The following ABLIM2 variants were observed in gnomAD, a reference collection of about 807,000 sequenced individuals.
The protein encoded by ABLIM2 is actin-binding LIM protein 2.
A neutral mutation model predicts 97.7 loss-of-function variants in ABLIM2; 53 were observed. The ratio of observed to expected loss-of-function variants is 0.54; its 90% CI spans 0.44 to 0.68. The LOEUF (loss-of-function observed/expected upper bound fraction) is 0.68. Among genes scored for constraint, ABLIM2 ranks in the 30% least tolerant of loss-of-function variants. The pLI, the probability that ABLIM2 is intolerant of heterozygous loss-of-function variation, is 0.00. For missense variants in ABLIM2, 835 were observed against 867.2 expected (o/e 0.96, Z 0.47); for synonymous variants, 361 against 345.8 (o/e 1.04, Z -0.49).
chr4:8,039,399 G>A (rs1029619081), intron 9 of ABLIM2, among the ~76,000 whole-genome samples: 19 of 152,194 alleles, frequency 1.2e-4, no homozygotes, highest in Admixed American at 1.0e-3. Context: ...AGGGGTCAGA[G>A]AGGGCAGCCT....
intron 9 of ABLIM2, among the ~76,000 whole-genome samples, chr4:8,037,187 G>C (rs996502337): frequency 6.6e-6 from 1 of 151,852 alleles, no homozygotes; most frequent in East Asian, 1.9e-4. Flanking sequence ...TGTTTTTTAA[G>C]AATATTTTCA....
At chr4:8,007,055 T>C in intron 16 of ABLIM2, 1 of 985,384 alleles carries the variant, frequency 1.0e-6, no homozygotes, top group Non-Finnish European at 1.2e-6. Flanking sequence ...CTTTAACACA[T>C]CATCATTTCC....
At chr4:8,126,128 A>T (rs1847789803) in intron 1 of ABLIM2, among the ~76,000 whole-genome samples, 1 of 152,168 alleles carries the variant, frequency 6.6e-6, no homozygotes, top group South Asian at 2.1e-4. Context: ...CCCTTCAGTA[A>T]CATTCCACGG....
intron 1 of ABLIM2, 83 bp from the exon 2 acceptor site, chr4:8,106,720 C>T (rs1837609451): frequency 4.7e-6 from 7 of 1,484,012 alleles, no homozygotes; most frequent in Non-Finnish European, 6.3e-6. Flanking sequence ...TGAGGACGCA[C>T]AGCTGACCCT....
intron 20 of ABLIM2, among the ~76,000 whole-genome samples, chr4:7,967,916 C>T (rs542335338): frequency 2.0e-4 from 31 of 152,330 alleles, no homozygotes; most frequent in Admixed American, 5.2e-4. Context: ...CCTCAGCCAC[C>T]GCAAGCTCTG....
chr4:7,998,254 A>G lies in ABLIM2; in HGVS notation c.1619-5327T>C, dbSNP rs1405648778. ...TTGGTGTGACGGGTAATTTTTCTGCAGTATCCTGGGCATTTTGGATATTAT... is the reference window on the plus strand; with the variant it reads ...TTGGTGTGACGGGTAATTTTTCTGCGGTATCCTGGGCATTTTGGATATTAT... On this transcript the variant is annotated intron_variant, in intron 16 of 20. Coordinates refer to ENST00000447017, the MANE Select transcript of ABLIM2 (RefSeq NM_001130083.2). The surrounding 1 kb of genome is among the most constrained non-coding windows in gnomAD (Gnocchi z 6.4). Among the ~76,000 whole-genome samples, 1 of 152,070 alleles carries G rather than the reference A, an allele frequency of 6.6e-6. No homozygotes were observed. Among genetic ancestry groups the G allele is most frequent in the Non-Finnish European group, 1.5e-5 (1 of 68,012 alleles).
rs1712101010 is a variant in ABLIM2, at chr4:8,150,015, C to T, written c.10+8665G>A. On this transcript the variant is annotated intron_variant, in intron 1 of 20. Transcript: ENST00000447017. This position sits in a 1 kb window ranked among gnomAD's most constrained non-coding sequence, Gnocchi z 6.3. ...CCTCCCTCGTGCTTCCTGGGGTCAC[C>T]TCCTAGGTAAACCACCTGCACCCAA... Among the ~76,000 whole-genome samples, 1 of 152,110 alleles carries T rather than the reference C, an allele frequency of 6.6e-6. No individual in the cohort carries two copies. The highest frequency in any genetic ancestry group is 1.5e-5 in the Non-Finnish European group (1 of 67,998).
intron 17 of ABLIM2, among the ~76,000 whole-genome samples, chr4:7,990,920 C>T (rs1748197277): frequency 2.0e-5 from 3 of 152,194 alleles, no homozygotes; most frequent in Admixed American, 2.0e-4. Flanking sequence ...TAATATTCAC[C>T]AATCTCCCCC....
chr4:8,110,664 G>GGGGGGGGTC (rs1839886546), intron 1 of ABLIM2, among the ~76,000 whole-genome samples: 6 of 150,242 alleles, frequency 4.0e-5, no homozygotes, highest in Admixed American at 6.6e-5. Context: ...TGGCGGGGGT[G>GGGGGGGGTC]GGGTGTGGGG....
rs1197631116 is a variant in ABLIM2 at position 7,999,229 on chromosome 4, T to G, written c.1619-6302A>C. Among the ~76,000 whole-genome samples, 2 of 152,092 alleles carry G rather than the reference T, an allele frequency of 1.3e-5. No homozygotes were observed. Among genetic ancestry groups the G allele is most frequent in the African/African-American group, 4.8e-5 (2 of 41,400 alleles). On this transcript the variant is annotated intron_variant, in intron 16 of 20. Coordinates refer to ENST00000447017, the MANE Select transcript of ABLIM2 (RefSeq NM_001130083.2). The surrounding 1 kb of genome is among the most constrained non-coding windows in gnomAD (Gnocchi z 4.4). ...CATGTACCACTGCGCCCAGCTAATTTTGTATTTTTAGTAGAGACAAGGTTT... is the reference window on the plus strand; with the variant it reads ...CATGTACCACTGCGCCCAGCTAATTGTGTATTTTTAGTAGAGACAAGGTTT...
At chr4:7,980,991 C>T (rs7666654) in intron 20 of ABLIM2, among the ~76,000 whole-genome samples, 1,256 of 123,402 alleles carry the variant, frequency 0.01, 12 homozygotes, top group African/African-American at 0.037. Context: ...TCGCCCAGGC[C>T]GGAGTGCTGT....
intron 15 of ABLIM2, among the ~76,000 whole-genome samples, chr4:8,008,497 G>A (rs1378787237): frequency 3.3e-5 from 5 of 152,228 alleles, no homozygotes; most frequent in African/African-American, 1.2e-4. Flanking sequence ...CGGGGAGAAT[G>A]AGGGCTGCTG....
Position 8,001,440 on chromosome 4 carries a change from C to T in ABLIM2, c.1618+6619G>A, listed in dbSNP as rs1578319263. Among the ~76,000 whole-genome samples, 1 of 152,282 alleles carries T rather than the reference C, an allele frequency of 6.6e-6. No individual in the cohort carries two copies. Among genetic ancestry groups the T allele is most frequent in the East Asian group, 1.9e-4 (1 of 5,172 alleles). ...CCAGGCAACCCAACGGCAGCGGCTG[C>T]TCCCTGGGGCTCCAGAGCCCAGCAT... is the stretch of plus-strand genomic sequence containing the variant. On this transcript the variant is annotated intron_variant, in intron 16 of 20. Transcript: ENST00000447017. This position sits in a 1 kb window ranked among gnomAD's most constrained non-coding sequence, Gnocchi z 4.2.
Position 8,054,089 on chromosome 4 carries a change from C to A in ABLIM2, c.822+99G>T, listed in dbSNP as rs1195271549. On this transcript the variant is annotated intron_variant, in intron 8 of 20. Transcript: ENST00000447017. This position sits in a 1 kb window ranked among gnomAD's most constrained non-coding sequence, Gnocchi z 4.9. ...CCATCCTGCAGCCCGTGGGACTGGA[C>A]AATGAGCCTGTAGAATCTGGTCAGT... The A allele has an allele frequency of 1.8e-5, 25 of 1,413,916 alleles. No individual in the cohort carries two copies. Among genetic ancestry groups the A allele is most frequent in the Non-Finnish European group, 2.4e-5 (24 of 1,002,606 alleles). 87.6% of individuals were successfully genotyped at this position (1,413,916 alleles called of 1,614,324 possible).
chr4:8,095,768 T>G lies in ABLIM2; in HGVS notation c.338+1331A>C, dbSNP rs1038530469. ...CTCTAGGGCTGTTTTGTCTTCTGGA[T>G]GAGACGCGACCTTTTGGTGTCCACA... On this transcript the variant is annotated intron_variant, in intron 3 of 20. Transcript: ENST00000447017. The surrounding 1 kb of genome is among the most constrained non-coding windows in gnomAD (Gnocchi z 4.7). Among the ~76,000 whole-genome samples, 1 of 152,108 alleles carries G rather than the reference T, an allele frequency of 6.6e-6. No homozygotes were observed. Among genetic ancestry groups the G allele is most frequent in the Admixed American group, 6.5e-5 (1 of 15,270 alleles).
In ABLIM2 at chr4:8,095,628, C is replaced by T. The variant is rs945429508; in HGVS notation, c.338+1471G>A. ...CCAGTTCCTGGTCTCAAGCGATCCT[C>T]CTACCTTGGCCTCCCGAGGTGCTGG... is the stretch of plus-strand genomic sequence containing the variant. On this transcript the variant is annotated intron_variant, in intron 3 of 20. Transcript: ENST00000447017. This position sits in a 1 kb window ranked among gnomAD's most constrained non-coding sequence, Gnocchi z 4.7. Among the ~76,000 whole-genome samples, 5 of 152,172 alleles carry T rather than the reference C, an allele frequency of 3.3e-5. No homozygotes were observed. Among genetic ancestry groups the T allele is most frequent in the African/African-American group, 9.7e-5 (4 of 41,432 alleles).
intron 12 of ABLIM2, among the ~76,000 whole-genome samples, chr4:8,024,436 G>C (rs552150237): frequency 1.3e-5 from 2 of 152,168 alleles, no homozygotes; most frequent in Non-Finnish European, 2.9e-5. Context: ...GCCTTGCCTC[G>C]GGCAGCCGCC....
In ABLIM2 at chr4:8,033,374, G is replaced by C. The variant is rs1782206029; in HGVS notation, c.1047+2775C>G. ...GCAATAACTCGACGGCCTCTGGGAG[G>C]CTGCCACGGGCCCTGTGAAGCCCTG... On this transcript the variant is annotated intron_variant, in intron 10 of 20. Transcript: ENST00000447017. This position sits in a 1 kb window ranked among gnomAD's most constrained non-coding sequence, Gnocchi z 4.5. 6.6e-6 allele frequency among the ~76,000 whole-genome samples: 1 copy of C among 152,250 alleles called. No homozygotes were observed. Among genetic ancestry groups the C allele is most frequent in the Non-Finnish European group, 1.5e-5 (1 of 68,040 alleles).
chr4:8,088,259 C>T lies in ABLIM2; in HGVS notation c.364G>A (p.Val122Met). ...CRLPFPPGDR[V>M]TFNGKECMCQ... The stretch of plus-strand genomic sequence containing the variant: ...ATGCATTCCTTCCCGTTGAAGGTCA[C>T]TCGGTCCCCGGGGGGGAAGGGCAGC... Residue 122 changes from valine to methionine, a missense_variant, in exon 4 of 21, where the codon GTG (valine) becomes ATG (methionine). Val to Met is a conservative substitution (Grantham distance 21, BLOSUM62 1). Transcript: ENST00000447017. 6.2e-7 allele frequency: 1 copy of T among 1,613,078 alleles called. No individual in the cohort carries two copies. The highest frequency in any genetic ancestry group is 8.5e-7 in the Non-Finnish European group (1 of 1,179,628).
Sources: allele counts gnomAD v4.1 joint callset (sites outside exome capture counted in the v4.1 genomes callset), GRCh38; gene constraint gnomAD v4.1.1; non-coding constraint Gnocchi (gnomAD v3.1); transcripts MANE v1.5; gene names NCBI Gene and HGNC (gene_info 2026-07-23, HGNC 2026-07-21).